PRKAG2: variants seen among roughly 807,000 people sequenced by gnomAD.
The protein encoded by PRKAG2 is protein kinase AMP-activated non-catalytic subunit gamma 2.
PRKAG2 carries 26 observed loss-of-function variants against 69.6 expected under a neutral mutation model. That is an observed-to-expected ratio of 0.37 (90% CI 0.27 to 0.52). The LOEUF (loss-of-function observed/expected upper bound fraction) is 0.52. Among genes scored for constraint, PRKAG2 ranks in the 20% least tolerant of loss-of-function variants. The pLI, the probability that PRKAG2 is intolerant of heterozygous loss-of-function variation, is 0.90. For missense variants in PRKAG2, 557 were observed against 740.0 expected (o/e 0.75, Z 2.87); for synonymous variants, 293 against 285.0 (o/e 1.03, Z -0.28).
intron 6 of PRKAG2, among the ~76,000 whole-genome samples, chr7:151,591,076 C>G (rs887975665): frequency 1.3e-5 from 2 of 152,148 alleles, no homozygotes; most frequent in African/African-American, 4.8e-5. Flanking sequence ...CATTCCATAC[C>G]CAGAGGACAC....
chr7:151,747,802 C>A (rs1402391650), intron 3 of PRKAG2, among the ~76,000 whole-genome samples: 4 of 151,984 alleles, frequency 2.6e-5, no homozygotes, highest in African/African-American at 7.3e-5. Context: ...TCCCAAATGT[C>A]AGATGTTACT....
At chr7:151,776,992 A>G (rs2076394978) in intron 3 of PRKAG2, among the ~76,000 whole-genome samples, 1 of 152,104 alleles carries the variant, frequency 6.6e-6, no homozygotes, top group Non-Finnish European at 1.5e-5. Context: ...GGCCTCCCGA[A>G]GGTACAGCCC....
In PRKAG2 at chr7:151,807,777, G is replaced by A. The variant is rs2151847659; in HGVS notation, c.115-21236C>T. ...TGCATCCGAACCCTTCTCTGACTTGGCGGGTTATTGGATTAGCTACTCTCA... is the reference window on the plus strand; with the variant it reads ...TGCATCCGAACCCTTCTCTGACTTGACGGGTTATTGGATTAGCTACTCTCA... On this transcript the variant is annotated intron_variant, in intron 1 of 15. Coordinates refer to ENST00000287878, the MANE Select transcript of PRKAG2 (RefSeq NM_016203.4). This position sits in a 1 kb window ranked among gnomAD's most constrained non-coding sequence, Gnocchi z 4.4. 2.8e-6 allele frequency: 1 copy of A among 363,590 alleles called. No homozygotes were observed. The highest frequency in any genetic ancestry group is 2.0e-5 in the South Asian group (1 of 49,052). The allele number at this position is 363,590 out of a possible 1,614,324, so 22.5% of individuals were successfully genotyped here.
At position 151,785,271 on chromosome 7, in the gene PRKAG2, G is replaced by A. The variant is rs147464627; in HGVS notation, c.186+1199C>T. 1.2e-4 allele frequency among the ~76,000 whole-genome samples: 19 copies of A among 152,342 alleles called. No individual in the cohort carries two copies. The East Asian group carries it at 3.5e-3, about 28-fold the overall frequency. ...TCTCTCCCACACTCTCAGATCTTCCGTGCAAGGTTTTCACTGGAAAGAAGG... is the reference window on the plus strand; with the variant it reads ...TCTCTCCCACACTCTCAGATCTTCCATGCAAGGTTTTCACTGGAAAGAAGG... On this transcript the variant is annotated intron_variant, in intron 2 of 15. Transcript: ENST00000287878.
intron 6 of PRKAG2, among the ~76,000 whole-genome samples, chr7:151,584,360 G>A (rs1291428883): frequency 6.6e-6 from 1 of 152,130 alleles, no homozygotes; most frequent in Non-Finnish European, 1.5e-5. Flanking sequence ...GTATGTCCAT[G>A]CCAACTGTTA....
chr7:151,564,980 C>T (rs552964622), intron 13 of PRKAG2, among the ~76,000 whole-genome samples: 100 of 152,174 alleles, frequency 6.6e-4, no homozygotes, highest in Non-Finnish European at 9.6e-4. Flanking sequence ...CAATGGGATG[C>T]GCCCGACAAA....
At chr7:151,642,028 T>TA (rs759629976) in intron 4 of PRKAG2, among the ~76,000 whole-genome samples, 9,505 of 94,870 alleles carry the variant, frequency 0.1, 560 homozygotes, top group Middle Eastern at 0.17. Context: ...ACCCCATCTT[T>TA]AAAAAAAAAA....
intron 3 of PRKAG2, among the ~76,000 whole-genome samples, chr7:151,743,881 C>T (rs969050839): frequency 2.0e-5 from 3 of 152,178 alleles, no homozygotes; most frequent in African/African-American, 7.2e-5. Context: ...GGCTGGGCTG[C>T]GGGAGGCCAT....
chr7:151,848,380 A>G (rs1586715852), intron 1 of PRKAG2, among the ~76,000 whole-genome samples: 1 of 151,872 alleles, frequency 6.6e-6, no homozygotes, highest in Non-Finnish European at 1.5e-5. Context: ...CCAACACCGA[A>G]CCTCCTGGCA....
intron 3 of PRKAG2, among the ~76,000 whole-genome samples, chr7:151,736,577 C>T: frequency 6.6e-6 from 1 of 152,152 alleles, no homozygotes; most frequent in Non-Finnish European, 1.5e-5. Flanking sequence ...GACATGACAT[C>T]ACACAACTAT....
At chr7:151,647,515 G>A (rs1263142279) in intron 4 of PRKAG2, among the ~76,000 whole-genome samples, 1 of 152,198 alleles carries the variant, frequency 6.6e-6, no homozygotes, top group Non-Finnish European at 1.5e-5. Flanking sequence ...CAAATGCTAA[G>A]GAAACCTTTG....
In PRKAG2 at chr7:151,828,432, G is replaced by GAA. The variant is rs1428338727; in HGVS notation, c.115-41892_115-41891insTT. ...TTAAAGAGAGAATGAACAGTTTAAT[G>GAA]CATGAAGAAAAAGAATGACCCTAAA... is the stretch of plus-strand genomic sequence containing the variant. On this transcript the variant is annotated intron_variant, in intron 1 of 15. Transcript: ENST00000287878. The surrounding 1 kb of genome is among the most constrained non-coding windows in gnomAD (Gnocchi z 4.6). Among the ~76,000 whole-genome samples the GAA allele has an allele frequency of 6.6e-6, 1 of 152,190 alleles. No individual in the cohort carries two copies. The highest frequency in any genetic ancestry group is 1.5e-5 in the Non-Finnish European group (1 of 68,036).
In PRKAG2 at chr7:151,572,685, G is replaced by T; in HGVS notation, c.1030C>A (p.His344Asn). 1 of 1,597,726 alleles carries T rather than the reference G, an allele frequency of 6.3e-7. No individual in the cohort carries two copies. The highest frequency in any genetic ancestry group is 8.6e-7 in the Non-Finnish European group (1 of 1,166,982). ...TTACCCCTCCATGTTTCAATTTTAT[G>T]TTCCTCTAATTCATAAATCTGTACC... is the stretch of plus-strand genomic sequence containing the variant. ...PMVQIYELEE[H>N]KIETWRELYL... Residue 344 changes from histidine to asparagine, a missense_variant, in exon 9 of 16, where the codon CAT (histidine) becomes AAT (asparagine). Physicochemically the swap from His to Asn is moderately conservative, Grantham distance 68. This residue lies in a region of PRKAG2 where 205 missense variants were observed against 383.4 expected (regional missense o/e 0.53). Transcript: ENST00000287878.
At position 151,741,572 on chromosome 7, in the gene PRKAG2, G is replaced by A. The variant is rs973294209; in HGVS notation, c.466+39580C>T. Among the ~76,000 whole-genome samples, 12 of 152,174 alleles carry A rather than the reference G, an allele frequency of 7.9e-5. No individual in the cohort carries two copies. In the East Asian group the frequency reaches 2.1e-3, roughly 27 times the overall value. The stretch of plus-strand genomic sequence containing the variant: ...TGCCTGTAACCCCAGCTATTAGGGA[G>A]GCTGAGGCAGGAGAATCGCTTGAAC... On this transcript the variant is annotated intron_variant, in intron 3 of 15. Transcript: ENST00000287878.
chr7:151,566,419 T>C, intron 11 of PRKAG2, among the ~76,000 whole-genome samples: 1 of 152,144 alleles, frequency 6.6e-6, no homozygotes, highest in African/African-American at 2.4e-5. Flanking sequence ...TTTTGTCTAC[T>C]AGGAACAAAG....
At chr7:151,579,393 T>A (rs2151059121) in intron 6 of PRKAG2, among the ~76,000 whole-genome samples, 1 of 152,340 alleles carries the variant, frequency 6.6e-6, no homozygotes, top group East Asian at 1.9e-4. Context: ...AGAAAATAAA[T>A]GTTAAAAACA....
chr7:151,610,148 G>A (rs956572241), intron 5 of PRKAG2, among the ~76,000 whole-genome samples: 8 of 152,282 alleles, frequency 5.3e-5, no homozygotes, highest in East Asian at 3.9e-4. Context: ...GGCGGAACAC[G>A]AGGTCAGGAG....
At chr7:151,584,407 C>G (rs1034798236) in intron 6 of PRKAG2, among the ~76,000 whole-genome samples, 6 of 152,014 alleles carry the variant, frequency 3.9e-5, no homozygotes, top group Admixed American at 3.9e-4. Context: ...GGGCAGCCAT[C>G]TGACAGGGCC....
rs143927276 is a variant in PRKAG2 at position 151,611,775 on chromosome 7, C to T, written c.755-16321G>A. On this transcript the variant is annotated intron_variant, in intron 5 of 15. Transcript: ENST00000287878. ...AGATGGTAAAAAAGCAGTCTCGGGC[C>T]GGGCACGGTGGCCCATACCTGTAAT... Among the ~76,000 whole-genome samples, 224 of 152,244 alleles carry T rather than the reference C, an allele frequency of 1.5e-3. 1 individual carries two copies. The highest frequency in any genetic ancestry group is 5.2e-3 in the African/African-American group (215 of 41,538).
Sources: gnomAD v4.1 joint callset for allele counts (sites outside exome capture counted in the v4.1 genomes callset) on GRCh38, gnomAD v4.1.1 for gene constraint, gnomAD v4.1.1 regional missense constraint, Gnocchi (gnomAD v3.1) non-coding constraint, MANE v1.5 for transcripts, NCBI Gene and HGNC (gene_info 2026-07-23, HGNC 2026-07-21) for gene names.